Variants in TNXB observed in about 807,000 individuals in gnomAD.
TNXB encodes the protein tenascin XB, also known as tenascin-X.
In TNXB, 183 loss-of-function variants were observed where a neutral mutation model predicts 340.5. That is an observed-to-expected ratio of 0.54 (90% confidence interval 0.48 to 0.61). The LOEUF (loss-of-function observed/expected upper bound fraction) is 0.61. Ranked by LOEUF, TNXB falls within the 20% of genes least tolerant of loss-of-function variation. The pLI is 0.00. For missense variants in TNXB, 4,613 were observed against 5,446.4 expected (o/e 0.85, Z 4.82); for synonymous variants, 2,121 against 2,314.5 (o/e 0.92, Z 2.40).
In TNXB at chr6:32,081,378, C is replaced by T. The variant is rs1034372192; in HGVS notation, c.4032G>A (p.Val1344=). ...GCAGCCATGACTCACCAGTCTTGGC[C>T]ACCACAGACTCGGGCCCCACACGCT... ...GRQRVGPESV[V]AKTAPQEDVD... is the part of the protein sequence containing the mutation. Residue 1344 remains valine, a synonymous_variant, in exon 10 of 44, where the codon GTG becomes GTA. Transcript: ENST00000644971. This position sits in a 1 kb window ranked among gnomAD's most constrained non-coding sequence, Gnocchi z 5.1. 12 of 1,537,382 alleles carry T rather than the reference C, an allele frequency of 7.8e-6. No individual in the cohort carries two copies. The highest frequency in any genetic ancestry group is 1.1e-5 in the Non-Finnish European group (12 of 1,137,960).
rs1410872752 is a variant in TNXB, at chr6:32,075,526, C to T, written c.4376-1574G>A. Among the ~76,000 whole-genome samples, 3 of 152,214 alleles carry T rather than the reference C, an allele frequency of 2.0e-5. No homozygotes were observed. The highest frequency in any genetic ancestry group is 4.8e-5 in the African/African-American group (2 of 41,428). ...GGGCTTTCCTCAGACACTGCCCTCG[C>T]AGTGAGGCCCTTGCTGTCTCCCTAC... is the stretch of plus-strand genomic sequence containing the variant. On this transcript the variant is annotated intron_variant, in intron 11 of 43. Transcript: ENST00000644971. This position sits in a 1 kb window ranked among gnomAD's most constrained non-coding sequence, Gnocchi z 4.6.
In TNXB at chr6:32,043,676, C is replaced by G; in HGVS notation, c.11530+73G>C. The G allele has an allele frequency of 3.7e-6, 6 of 1,609,760 alleles. 1 individual carries two copies. Among genetic ancestry groups the G allele is most frequent in the Non-Finnish European group, 5.1e-6 (6 of 1,177,688 alleles). On this transcript the variant is annotated intron_variant, in intron 35 of 43. Coordinates refer to ENST00000644971, the MANE Select transcript of TNXB (RefSeq NM_001365276.2). ...TCCACCACCTCCCTTTCACCCTCCT[C>G]GTTCTCTCTCAACTCCCACCCATGC... is the stretch of plus-strand genomic sequence containing the variant.
At position 32,096,066 on chromosome 6, in the gene TNXB, T is replaced by G; in HGVS notation, c.1787A>C (p.Gln596Pro). ...CACACCGTCCTGGCACACGCCGTGC[T>G]GGCTGCAGTCATTCGGGCACTGCCT... ...GVRQCPNDCS[Q>P]HGVCQDGVCI... The change falls in exon 3 of 44, where the codon CAG becomes CCG. Residue 596 changes from glutamine (Q) to proline (P), a missense_variant. Physicochemically the swap from Gln to Pro is moderately conservative, Grantham distance 76. This residue lies in a region of TNXB where 4,327 missense variants were observed against 4,859.4 expected (regional missense o/e 0.89). Coordinates refer to ENST00000644971, the MANE Select transcript of TNXB (RefSeq NM_001365276.2). 1 of 1,612,914 alleles carries G rather than the reference T, an allele frequency of 6.2e-7. No individual in the cohort carries two copies. Among genetic ancestry groups the G allele is most frequent in the Non-Finnish European group, 8.5e-7 (1 of 1,179,710 alleles).
At position 32,084,836 on chromosome 6, in the gene TNXB, C is replaced by A; in HGVS notation, c.3149-127G>T. The A allele has an allele frequency of 1.3e-6, 1 of 782,382 alleles. No individual in the cohort carries two copies. The highest frequency in any genetic ancestry group is 1.9e-6 in the Non-Finnish European group (1 of 531,998). The allele number at this position is 782,382 out of a possible 1,614,324, so 48.5% of individuals were successfully genotyped here. On this transcript the variant is annotated intron_variant, in intron 7 of 43. Transcript: ENST00000644971. This position sits in a 1 kb window ranked among gnomAD's most constrained non-coding sequence, Gnocchi z 5.5. Reference sequence around the variant, plus strand: ...TCCCTCCCCGGAAGACTCTATCTGCCCACCCCTCAGTGACTAGCTCTTCTG... The same window carrying A: ...TCCCTCCCCGGAAGACTCTATCTGCACACCCCTCAGTGACTAGCTCTTCTG...
intron 3 of TNXB, 104 bp downstream of exon 3, chr6:32,095,507 A>G: frequency 7.0e-7 from 1 of 1,429,440 alleles, no homozygotes; most frequent in Non-Finnish European, 9.5e-7. Context: ...GCTCCTTGGA[A>G]TGACATGCTC....
chr6:32,095,616 C>G lies in TNXB; in HGVS notation c.2237G>C (p.Gly746Ala), dbSNP rs1223893418. The change falls in exon 3 of 44, where the codon GGA becomes GCA. Residue 746 changes from glycine (G) to alanine (A), a missense_variant. Around this residue, in one of 7 missense-constraint regions of TNXB, gnomAD observed 4,327 missense variants for 4,859.4 expected, o/e 0.89. Transcript: ENST00000644971. ...CKDGYAGEDC[G>A]EEVPTIEGMR... The stretch of plus-strand genomic sequence containing the variant: ...GGGGAAGGCTGCCTGCTCACCTTCT[C>G]CGCAGTCTTCGCCAGCATACCCATC... The G allele has an allele frequency of 6.2e-7, 1 of 1,611,566 alleles. No homozygotes were observed.
At position 32,069,771 on chromosome 6, in the gene TNXB, T is replaced by C. The variant is rs1212840602; in HGVS notation, c.5369A>G (p.Asn1790Ser). Residue 1790 changes from asparagine to serine, a missense_variant, in exon 15 of 44, where the codon AAC (asparagine) becomes AGC (serine). By Grantham distance (46) the Asn-to-Ser change is conservative. This residue lies in a region of TNXB where 4,327 missense variants were observed against 4,859.4 expected (regional missense o/e 0.89). Coordinates refer to ENST00000644971, the MANE Select transcript of TNXB (RefSeq NM_001365276.2). This position sits in a 1 kb window ranked among gnomAD's most constrained non-coding sequence, Gnocchi z 6.2. Reference sequence around the variant, plus strand: ...GACTGTCCAGGAGAGGCCCACGGAGTTCTGGGTCACGGTGGTCACCTGCAG... The same window carrying C: ...GACTGTCCAGGAGAGGCCCACGGAGCTCTGGGTCACGGTGGTCACCTGCAG... ...EELQVTTVTQ[N>S]SVGLSWTVPE... is the part of the protein sequence containing the mutation. 9 of 1,609,696 alleles carry C rather than the reference T, an allele frequency of 5.6e-6. No homozygotes were observed. The highest frequency in any genetic ancestry group is 7.6e-6 in the Non-Finnish European group (9 of 1,178,098).
Position 32,065,075 on chromosome 6 carries a change from C to A in TNXB, c.6587G>T (p.Arg2196Leu). ...ESPDAPLAKL[R>L]LGQMTVRDIT... Reference sequence around the variant, plus strand: ...GTCTCTCACTGTCATCTGCCCTAGGCGCAGCTTTGCAAGAGGAGCATCAGG... The same window carrying A: ...GTCTCTCACTGTCATCTGCCCTAGGAGCAGCTTTGCAAGAGGAGCATCAGG... Residue 2196 changes from arginine to leucine, a missense_variant, in exon 19 of 44, where the codon CGC (arginine) becomes CTC (leucine). Transcript: ENST00000644971. 6.3e-7 allele frequency: 1 copy of A among 1,595,672 alleles called. No individual in the cohort carries two copies. Among genetic ancestry groups the A allele is most frequent in the Non-Finnish European group, 8.5e-7 (1 of 1,171,278 alleles).
rs747521071 is a variant in TNXB, at chr6:32,061,542, G to A, written c.7347C>T (p.Asp2449=). The A allele has an allele frequency of 3.8e-5, 62 of 1,613,554 alleles. No individual in the cohort carries two copies. The Middle Eastern group carries it at 1.5e-3, about 40-fold the overall frequency. Residue 2449 remains aspartate, a synonymous_variant, in exon 21 of 44, where the codon GAC becomes GAT. Coordinates refer to ENST00000644971, the MANE Select transcript of TNXB (RefSeq NM_001365276.2). The surrounding 1 kb of genome is among the most constrained non-coding windows in gnomAD (Gnocchi z 4.4). ...CAACACGCACCACCTGGGGCCGCCC[G>A]TCCCTGTCCTTGTACTGCACGGTGA... ...DSFTVQYKDR[D]GRPQVVRVGG... is the part of the protein sequence containing the mutation.
chr6:32,106,114 A>T, intron 1 of TNXB, among the ~76,000 whole-genome samples: 1 of 53,436 alleles, frequency 1.9e-5, no homozygotes, highest in Non-Finnish European at 3.5e-5. Context: ...TTGAGGGGGT[A>T]GTGACTAGTA....
In TNXB at chr6:32,065,117, G is replaced by C; in HGVS notation, c.6545C>G (p.Ala2182Gly). The C allele has an allele frequency of 6.4e-7, 1 of 1,560,930 alleles. No individual in the cohort carries two copies. The highest frequency in any genetic ancestry group is 8.7e-7 in the Non-Finnish European group (1 of 1,151,328). Residue 2182 changes from alanine to glycine, a missense_variant and splice_region_variant, in exon 19 of 44, where the codon GCC (alanine) becomes GGC (glycine). Around this residue, in one of 7 missense-constraint regions of TNXB, gnomAD observed 4,327 missense variants for 4,859.4 expected, o/e 0.89. Transcript: ENST00000644971. Reference sequence around the variant, plus strand: ...AGCATCAGGGGACTCCTCTTCGGGGGCTAGGAAGAGATAGAAACAGAATCT... The same window carrying C: ...AGCATCAGGGGACTCCTCTTCGGGGCCTAGGAAGAGATAGAAACAGAATCT... ...VGPVSAVGVT[A>G]PEEESPDAPL...
intron 18 of TNXB, 125 bp from the exon 19 acceptor site, chr6:32,065,242 T>C (rs963781915): frequency 3.5e-6 from 3 of 860,046 alleles, no homozygotes; most frequent in African/African-American, 3.4e-5. Context: ...TTTCTGATTA[T>C]AATCATAATC....
chr6:32,071,416 C>A (rs1778763583), intron 13 of TNXB, among the ~76,000 whole-genome samples: 1 of 151,994 alleles, frequency 6.6e-6, no homozygotes, highest in Non-Finnish European at 1.5e-5. Flanking sequence ...TCTCCCAGCA[C>A]CCCCAGGCTC....
intron 21 of TNXB, among the ~76,000 whole-genome samples, chr6:32,059,304 A>G (rs1033807006): frequency 1.3e-5 from 2 of 151,172 alleles, no homozygotes; most frequent in Non-Finnish European, 2.9e-5. Context: ...CTGTAATCCC[A>G]GCTACTCAGG....
intron 21 of TNXB, among the ~76,000 whole-genome samples, chr6:32,059,743 G>A (rs1013364427): frequency 7.9e-5 from 12 of 151,968 alleles, no homozygotes; most frequent in African/African-American, 1.2e-4. Context: ...CCCAGGAATC[G>A]GGGATGCCGA....
Position 32,069,137 on chromosome 6 carries a change from C to T in TNXB, c.5588-1G>A, listed in dbSNP as rs1303228633. 1.2e-6 allele frequency: 2 copies of T among 1,603,730 alleles called. No homozygotes were observed. The highest frequency in any genetic ancestry group is 2.7e-5 in the African/African-American group (2 of 74,858). The stretch of plus-strand genomic sequence containing the variant: ...TCAGTTTCCGTTTCTTCCCTGCCGG[C>T]TGGTTCACAGAGACAGGTAGAGACA... On this transcript the variant is annotated splice_acceptor_variant, in intron 15 of 43. Transcript: ENST00000644971. LOFTEE classifies it high-confidence loss of function. This position sits in a 1 kb window ranked among gnomAD's most constrained non-coding sequence, Gnocchi z 6.2.
chr6:32,099,889 G>A (rs1209790708), intron 1 of TNXB, among the ~76,000 whole-genome samples: 1 of 139,196 alleles, frequency 7.2e-6, no homozygotes, highest in Middle Eastern at 3.6e-3. Flanking sequence ...CTGCAGTTAA[G>A]AGGAGAAAGG....
chr6:32,056,234 AG>A, intron 23 of TNXB, 60 bp from the exon 24 acceptor site: 1 of 1,549,250 alleles, frequency 6.5e-7, no homozygotes, highest in South Asian at 1.2e-5. Flanking sequence ...CAGGTCTTCA[AG>A]GGAAGGAGGG....
chr6:32,104,510 T>C (rs1261856177), intron 1 of TNXB, among the ~76,000 whole-genome samples: 5 of 152,228 alleles, frequency 3.3e-5, no homozygotes, highest in Non-Finnish European at 4.4e-5. Flanking sequence ...CATATTTCCT[T>C]GTATCTACCT....
Sources: gnomAD v4.1 joint callset for allele counts (sites outside exome capture counted in the v4.1 genomes callset) on GRCh38, gnomAD v4.1.1 for gene constraint, gnomAD v4.1.1 regional missense constraint, Gnocchi (gnomAD v3.1) non-coding constraint, MANE v1.5 for transcripts, NCBI Gene and HGNC (gene_info 2026-07-23, HGNC 2026-07-21) for gene names.